RPS6KC1: variants seen among roughly 807,000 people sequenced by gnomAD.
RPS6KC1 encodes the protein inactive ribosomal protein S6 kinase delta-1.
In RPS6KC1, 54 loss-of-function variants were observed where a neutral mutation model predicts 103.8. The observed-to-expected ratio is 0.52, with a 90% CI of 0.42 to 0.65. The LOEUF (loss-of-function observed/expected upper bound fraction) is 0.65, where lower values mean the gene tolerates loss of function less well. RPS6KC1 is among the 30% of genes least tolerant of loss of function. The pLI is 0.00. For missense variants in RPS6KC1, 1,151 were observed against 1,253.8 expected, an observed-to-expected ratio of 0.92 and a Z score of 1.24; for synonymous variants, 439 against 438.7, an observed-to-expected ratio of 1.00 and a Z score of -0.01.
chr1:213,321,676 G>C, the RPS6KC1 span, among the ~76,000 whole-genome samples: 16 of 152,284 alleles, frequency 1.1e-4, 1 homozygote, highest in African/African-American at 3.4e-4. Flanking sequence ...TGTTCTATTG[G>C]AGACAAGAAA....
the RPS6KC1 span, among the ~76,000 whole-genome samples, chr1:213,562,594 T>G: frequency 6.6e-6 from 1 of 151,974 alleles, no homozygotes; most frequent in Non-Finnish European, 1.5e-5. Context: ...GGTCTTGATG[T>G]CCTGACCTTG....
chr1:213,496,743 G>A, the RPS6KC1 span, among the ~76,000 whole-genome samples: 2 of 152,088 alleles, frequency 1.3e-5, no homozygotes, highest in Non-Finnish European at 2.9e-5. Context: ...GGGTGACAGA[G>A]TGAGACTCAG....
the RPS6KC1 span, among the ~76,000 whole-genome samples, chr1:213,707,716 G>A: frequency 6.6e-6 from 1 of 152,162 alleles, no homozygotes; most frequent in African/African-American, 2.4e-5. Context: ...GTTAATTTTT[G>A]TATAAGGTGT....
the RPS6KC1 span, among the ~76,000 whole-genome samples, chr1:213,387,370 C>A: frequency 9.2e-5 from 14 of 152,222 alleles, no homozygotes; most frequent in African/African-American, 3.4e-4. Context: ...TTGCCTGTGG[C>A]CAATTTTTAG....
At chr1:213,833,479 A>G in the RPS6KC1 span, among the ~76,000 whole-genome samples, 1 of 152,146 alleles carries the variant, frequency 6.6e-6, no homozygotes, top group Non-Finnish European at 1.5e-5. Flanking sequence ...GACCTCACCC[A>G]TGGATGATGT....
intron 6 of RPS6KC1, among the ~76,000 whole-genome samples, chr1:213,162,899 A>G (rs747899161): frequency 3.3e-5 from 5 of 152,234 alleles, no homozygotes; most frequent in Non-Finnish European, 7.3e-5. Context: ...TTGAAAAAAC[A>G]TTAATAGGGG....
chr1:213,160,926 A>G (rs2090409261), intron 6 of RPS6KC1, among the ~76,000 whole-genome samples: 2 of 152,128 alleles, frequency 1.3e-5, no homozygotes, highest in African/African-American at 2.4e-5. Context: ...GCAGCAAACC[A>G]ACATGGCACA....
At chr1:213,711,669 T>C in the RPS6KC1 span, among the ~76,000 whole-genome samples, 1 of 152,220 alleles carries the variant, frequency 6.6e-6, no homozygotes, top group Non-Finnish European at 1.5e-5. Flanking sequence ...TGGTCTTTGC[T>C]GTTGGTGCCC....
At chr1:213,558,146 C>T in the RPS6KC1 span, among the ~76,000 whole-genome samples, 2 of 152,192 alleles carry the variant, frequency 1.3e-5, no homozygotes, top group African/African-American at 4.8e-5. Flanking sequence ...GGCTTTTCTT[C>T]CACCTGTTTG....
chr1:213,356,394 G>A, the RPS6KC1 span, among the ~76,000 whole-genome samples: 4 of 151,794 alleles, frequency 2.6e-5, no homozygotes, highest in African/African-American at 7.3e-5. Flanking sequence ...GGTGGCTCAC[G>A]CCTGTAATCC....
chr1:213,799,929 C>G, the RPS6KC1 span, among the ~76,000 whole-genome samples: 575 of 152,258 alleles, frequency 3.8e-3, 3 homozygotes, highest in Non-Finnish European at 4.7e-3. Flanking sequence ...ACCAGCATGT[C>G]AGGCCATGGT....
the RPS6KC1 span, among the ~76,000 whole-genome samples, chr1:213,462,596 C>A: frequency 6.6e-6 from 1 of 152,176 alleles, no homozygotes; most frequent in Non-Finnish European, 1.5e-5. Flanking sequence ...GAGTTCATGT[C>A]CTTTGCAGAG....
At chr1:213,150,616 G>A (rs994213753) in intron 6 of RPS6KC1, among the ~76,000 whole-genome samples, 4 of 151,578 alleles carry the variant, frequency 2.6e-5, no homozygotes, top group African/African-American at 9.7e-5. Flanking sequence ...GTTTCAGAGA[G>A]CACAGGGTTG....
downstream of RPS6KC1, among the ~76,000 whole-genome samples, chr1:213,278,635 C>T (rs145865463): frequency 1.3e-4 from 20 of 152,304 alleles, no homozygotes; most frequent in African/African-American, 4.8e-4. Context: ...CCTCTTCATC[C>T]ACCCCTCCCT....
the RPS6KC1 span, among the ~76,000 whole-genome samples, chr1:213,416,781 G>C: frequency 6.6e-6 from 1 of 152,132 alleles, no homozygotes; most frequent in East Asian, 1.9e-4. Context: ...AGAGACCCTG[G>C]GCACTACCCT....
chr1:213,676,462 GA>G, the RPS6KC1 span, among the ~76,000 whole-genome samples: 4 of 152,242 alleles, frequency 2.6e-5, no homozygotes, highest in Non-Finnish European at 5.9e-5. Flanking sequence ...CGTGGGAGGA[GA>G]AGTCCCGTGT....
the RPS6KC1 span, among the ~76,000 whole-genome samples, chr1:213,510,457 C>T: frequency 0.049 from 7,458 of 152,220 alleles, 237 homozygotes; most frequent in Middle Eastern, 0.095. Flanking sequence ...ATACTCTATA[C>T]CCCCTAACTT....
the RPS6KC1 span, among the ~76,000 whole-genome samples, chr1:213,516,705 C>G: frequency 2.6e-5 from 4 of 152,286 alleles, no homozygotes; most frequent in East Asian, 7.7e-4. Context: ...TGTTGTGTCT[C>G]TGCCAGGCTT....
the RPS6KC1 span, among the ~76,000 whole-genome samples, chr1:213,663,468 G>A: frequency 6.6e-6 from 1 of 152,234 alleles, no homozygotes; most frequent in Non-Finnish European, 1.5e-5. Flanking sequence ...TAGCATTTCA[G>A]TTTCTCTCTC....
Sources: gnomAD v4.1 joint callset for allele counts (sites outside exome capture counted in the v4.1 genomes callset) on GRCh38, gnomAD v4.1.1 for gene constraint, MANE v1.5 for transcripts, NCBI Gene and HGNC (gene_info 2026-07-23, HGNC 2026-07-21) for gene names.